The following FAM149A variants were observed in gnomAD, a reference collection of about 807,000 sequenced individuals.
The protein encoded by FAM149A is family with sequence similarity 149 member A, also known as protein FAM149A.
FAM149A carries 71 observed loss-of-function variants against 78.2 expected under a neutral mutation model. That is an observed-to-expected ratio of 0.91 (90% CI 0.75 to 1.11). The LOEUF (loss-of-function observed/expected upper bound fraction) is 1.11, where lower values mean the gene tolerates loss of function less well. Ranked by LOEUF, FAM149A falls within the 50% of genes least tolerant of loss-of-function variation. The probability of loss-of-function intolerance (pLI) is 0.00; values close to 1 mark genes in which losing one functional copy is unlikely to be tolerated. For missense variants in FAM149A, 1,036 were observed against 971.0 expected, an observed-to-expected ratio of 1.07 and a Z score of -0.89; for synonymous variants, 446 against 410.5, an observed-to-expected ratio of 1.09 and a Z score of -1.04.
chr4:186,139,797 T>C (rs930648164), intron 1 of FAM149A, among the ~76,000 whole-genome samples: 4 of 152,174 alleles, frequency 2.6e-5, no homozygotes, highest in Non-Finnish European at 5.9e-5. Flanking sequence ...GATGACATAG[T>C]TGTATGTATA....
Position 186,105,091 on chromosome 4 carries a change from G to C in FAM149A, c.15G>C (p.Val5=). ...ACTGTCGAGGCATGAAGGCTGCTGT[G>C]CTGGACCTTGGGTCTCTCTTGGCCA... Residue 5 remains valine (V), a synonymous_variant, in exon 1 of 14, where the codon GTG becomes GTC. Coordinates refer to ENST00000389354, the MANE Select transcript of FAM149A (RefSeq NM_001367768.3). 7.8e-7 allele frequency: 1 copy of C among 1,280,588 alleles called. No homozygotes were observed. Among genetic ancestry groups the C allele is most frequent in the South Asian group, 1.2e-5 (1 of 80,754 alleles). 79.3% of individuals were successfully genotyped at this position (1,280,588 alleles called of 1,614,324 possible). A position where few individuals can be genotyped will look rare whatever the true frequency, so the allele number is the denominator to read the frequency against.
rs142914445 is a variant in FAM149A, at chr4:186,129,617, C to T, written c.567-19556C>T. Among the ~76,000 whole-genome samples, 44 of 152,176 alleles carry T rather than the reference C, an allele frequency of 2.9e-4. No individual in the cohort carries two copies. In the East Asian group the frequency reaches 6.6e-3, roughly 23 times the overall value. ...GGGTGACCAGCAAATAGAGCAGCAC[C>T]GGGGACTGAAACCCAGTTTTAGATC... is the stretch of plus-strand genomic sequence containing the variant. On this transcript the variant is annotated intron_variant, in intron 1 of 13. Transcript: ENST00000389354.
chr4:186,121,614 G>A (rs988182773), intron 1 of FAM149A, among the ~76,000 whole-genome samples: 1 of 152,136 alleles, frequency 6.6e-6, no homozygotes, highest in Non-Finnish European at 1.5e-5. Context: ...GAAGATGTAC[G>A]GAGACATTGA....
intron 1 of FAM149A, among the ~76,000 whole-genome samples, chr4:186,120,078 A>C (rs555394123): frequency 1.9e-4 from 29 of 152,370 alleles, no homozygotes; most frequent in African/African-American, 7.0e-4. Context: ...CATGTTTCAC[A>C]GATGAATGTG....
chr4:186,126,409 T>A (rs1049714359), intron 1 of FAM149A, among the ~76,000 whole-genome samples: 4 of 152,194 alleles, frequency 2.6e-5, no homozygotes, highest in Non-Finnish European at 5.9e-5. Flanking sequence ...TGTGAGTGTG[T>A]CTCCAGAAGA....
Position 186,149,586 on chromosome 4 carries a change from C to T in FAM149A, c.678-7C>T. ...TGCAGCAAATCCTTGTCATCCTTTT[C>T]CTCCAGCGGAAGCCATACACCCACG... On this transcript the variant is annotated splice_polypyrimidine_tract_variant and splice_region_variant and intron_variant, in intron 2 of 13. Transcript: ENST00000389354. The T allele has an allele frequency of 7.8e-7, 1 of 1,289,892 alleles. No homozygotes were observed. Among genetic ancestry groups the T allele is most frequent in the African/African-American group, 1.5e-5 (1 of 65,994 alleles). The allele number at this position is 1,289,892 out of a possible 1,614,324, so 79.9% of individuals were successfully genotyped here.
intron 8 of FAM149A, chr4:186,160,829 T>C (rs1734550326): frequency 1.0e-6 from 1 of 985,056 alleles, no homozygotes. Context: ...ACAGTCTAGC[T>C]GATAGCAGAG....
chr4:186,131,201 A>T (rs1284014737), intron 1 of FAM149A, among the ~76,000 whole-genome samples: 2 of 152,178 alleles, frequency 1.3e-5, no homozygotes, highest in Non-Finnish European at 2.9e-5. Flanking sequence ...TACAAAAATT[A>T]GCCAGGTGTG....
At chr4:186,109,468 G>A in intron 1 of FAM149A, 1 of 985,238 alleles carries the variant, frequency 1.0e-6, no homozygotes, top group South Asian at 4.7e-5. Context: ...CCAGTGTGAT[G>A]AAGCCTGTAG....
At chr4:186,108,649 C>G (rs1417883021) in intron 1 of FAM149A, among the ~76,000 whole-genome samples, 2 of 152,110 alleles carry the variant, frequency 1.3e-5, no homozygotes, top group Admixed American at 1.3e-4. Context: ...ATACTGATCT[C>G]TCTGTCTTCA....
chr4:186,111,128 C>T (rs1386347286), intron 1 of FAM149A, among the ~76,000 whole-genome samples: 2 of 143,642 alleles, frequency 1.4e-5, no homozygotes, highest in African/African-American at 5.3e-5. Context: ...TTTTGATTTG[C>T]ATTTCTCTGA....
At chr4:186,141,190 TG>T (rs1196116424) in intron 1 of FAM149A, among the ~76,000 whole-genome samples, 2 of 152,204 alleles carry the variant, frequency 1.3e-5, no homozygotes, top group African/African-American at 4.8e-5. Context: ...GTTTATGGGT[TG>T]TTTTTTTCTT....
intron 1 of FAM149A, among the ~76,000 whole-genome samples, chr4:186,106,100 T>G (rs74904616): frequency 4.1e-4 from 63 of 152,184 alleles, no homozygotes; most frequent in Non-Finnish European, 1.0e-4. Flanking sequence ...AGTCTTATCC[T>G]AAGTGGGATG....
chr4:186,163,655 G>A (rs763472262), intron 10 of FAM149A, 22 bp downstream of exon 10: 1 of 1,584,360 alleles, frequency 6.3e-7, no homozygotes, highest in South Asian at 1.1e-5. Flanking sequence ...TTCTTTCATA[G>A]TAAACTAAAG....
intron 3 of FAM149A, among the ~76,000 whole-genome samples, chr4:186,150,475 A>G (rs1253282286): frequency 5.4e-4 from 60 of 111,012 alleles, no homozygotes; most frequent in African/African-American, 1.4e-3. Context: ...GCTGGAGTGC[A>G]GGGGCGCGAT....
rs1364520381 is a variant in FAM149A at position 186,104,797 on chromosome 4, CG to C, written c.-276del. 6.8e-6 allele frequency among the ~76,000 whole-genome samples: 1 copy of C among 147,684 alleles called. No individual in the cohort carries two copies. Among genetic ancestry groups the C allele is most frequent in the Non-Finnish European group, 1.5e-5 (1 of 67,070 alleles). On this transcript the variant is annotated 5_prime_UTR_variant, in exon 1 of 14. Transcript: ENST00000389354. ...TGGGGCGGGCGGCGGCCGCGCTTCCCGGGGCTCCTGGCCCTTCGGCCCTCGG... is the reference window on the plus strand; with the variant it reads ...TGGGGCGGGCGGCGGCCGCGCTTCCCGGGCTCCTGGCCCTTCGGCCCTCGG...
chr4:186,157,533 T>A (rs1274109192), intron 7 of FAM149A, 32 bp from the exon 8 acceptor site: 1 of 1,601,632 alleles, frequency 6.2e-7, no homozygotes, highest in East Asian at 2.2e-5. Context: ...AATCTGATGT[T>A]TCTTGTAATA....
Position 186,123,168 on chromosome 4 carries a change from C to T in FAM149A, c.566+17526C>T, listed in dbSNP as rs372071504. The stretch of plus-strand genomic sequence containing the variant: ...GGAGTCCAGTGTTAATCCAAGGAAC[C>T]AGGACAATTTGAAAAGGAAATGTCA... On this transcript the variant is annotated intron_variant, in intron 1 of 13. Coordinates refer to ENST00000389354, the MANE Select transcript of FAM149A (RefSeq NM_001367768.3). 3.3e-5 allele frequency: 32 copies of T among 971,322 alleles called. No individual in the cohort carries two copies. In the East Asian group the frequency reaches 1.5e-3, roughly 45 times the overall value. 60.2% of individuals were successfully genotyped at this position (971,322 alleles called of 1,614,324 possible).
At chr4:186,108,379 A>G (rs2150075386) in intron 1 of FAM149A, among the ~76,000 whole-genome samples, 1 of 152,078 alleles carries the variant, frequency 6.6e-6, no homozygotes, top group African/African-American at 2.4e-5. Context: ...AATAACGCAT[A>G]CATTTTACAT....
Sources: gnomAD v4.1 joint callset for allele counts (sites outside exome capture counted in the v4.1 genomes callset) on GRCh38, gnomAD v4.1.1 for gene constraint, MANE v1.5 for transcripts, NCBI Gene and HGNC (gene_info 2026-07-23, HGNC 2026-07-21) for gene names.